Variants in DCDC2C observed in about 807,000 individuals in gnomAD.
The protein encoded by DCDC2C is doublecortin domain containing 2C.
A neutral mutation model predicts 45.0 loss-of-function variants in DCDC2C; 44 were observed. The ratio of observed to expected loss-of-function variants is 0.98; its 90% CI spans 0.77 to 1.26. The LOEUF is 1.26. DCDC2C is among the 50% of genes most tolerant of loss of function. DCDC2C has a pLI of 0.00. For synonymous variants in DCDC2C, 187 were observed against 178.8 expected (o/e 1.05, Z -0.37); for missense variants, 447 against 468.9 (o/e 0.95, Z 0.43).
intron 10 of DCDC2C, among the ~76,000 whole-genome samples, chr2:3,799,504 TA>T (rs2148200066): frequency 6.6e-6 from 1 of 152,228 alleles, no homozygotes; most frequent in African/African-American, 2.4e-5. Flanking sequence ...TGGTTTTATC[TA>T]CTTTTGGTCT....
In DCDC2C at chr2:3,703,636, GCGGCTGGAGCGGACCTCCC is replaced by G; in HGVS notation, c.-115_-97del. 9.8e-7 allele frequency: 1 copy of G among 1,025,572 alleles called. No homozygotes were observed. The highest frequency in any genetic ancestry group is 1.2e-6 in the Non-Finnish European group (1 of 807,954). The allele number at this position is 1,025,572 out of a possible 1,614,324, so 63.5% of individuals were successfully genotyped here. On this transcript the variant is annotated 5_prime_UTR_variant, in exon 1 of 11. Coordinates refer to ENST00000399143, the MANE Select transcript of DCDC2C (RefSeq NM_001287444.2). The surrounding 1 kb of genome is among the most constrained non-coding windows in gnomAD (Gnocchi z 4.4). ...CCCGTCCCGTCCCCGTCCTGCGCCA[GCGGCTGGAGCGGACCTCCC>G]GTCGGCGGTGCCCGGGCCTGGGCGC...
intron 10 of DCDC2C, among the ~76,000 whole-genome samples, chr2:3,824,509 C>T (rs1671770866): frequency 6.6e-6 from 1 of 152,160 alleles, no homozygotes; most frequent in South Asian, 2.1e-4. Context: ...GTGCATACCT[C>T]CTTTTCTGCT....
rs139462155 is a variant in DCDC2C, at chr2:3,815,120, A to T, written c.1065+30020A>T. On this transcript the variant is annotated intron_variant, in intron 10 of 10. Coordinates refer to ENST00000399143, the MANE Select transcript of DCDC2C (RefSeq NM_001287444.2). The stretch of plus-strand genomic sequence containing the variant: ...CCAGCTGAGAGGCTGTTAAGAGTAC[A>T]TGCATCTGCACATTCTAGGATTGGT... 1.7e-3 allele frequency among the ~76,000 whole-genome samples: 254 copies of T among 152,354 alleles called. 1 individual carries two copies. Among genetic ancestry groups the T allele is most frequent in the African/African-American group, 5.6e-3 (233 of 41,592 alleles).
intron 4 of DCDC2C, among the ~76,000 whole-genome samples, chr2:3,746,037 T>C (rs1214006797): frequency 6.6e-6 from 1 of 152,204 alleles, no homozygotes; most frequent in Non-Finnish European, 1.5e-5. Flanking sequence ...TGTAGGTCTC[T>C]GTGCAAGACA....
intron 9 of DCDC2C, among the ~76,000 whole-genome samples, chr2:3,782,567 C>T (rs1322091055): frequency 6.6e-6 from 1 of 151,716 alleles, no homozygotes; most frequent in Non-Finnish European, 1.5e-5. Context: ...CAAGCTCCGC[C>T]TCCTGGGTTC....
At chr2:3,763,360 G>A (rs770811994) in intron 6 of DCDC2C, among the ~76,000 whole-genome samples, 15 of 152,178 alleles carry the variant, frequency 9.9e-5, no homozygotes, top group Non-Finnish European at 1.6e-4. Context: ...GCTGGTGAGC[G>A]CGGCTCGAGA....
intron 3 of DCDC2C, among the ~76,000 whole-genome samples, chr2:3,739,518 G>A (rs1477565085): frequency 1.3e-5 from 2 of 152,226 alleles, no homozygotes; most frequent in Admixed American, 1.3e-4. Context: ...AACGTCAAGA[G>A]GAACGCACCA....
At chr2:3,802,441 A>G (rs1226131485) in intron 10 of DCDC2C, among the ~76,000 whole-genome samples, 1 of 152,220 alleles carries the variant, frequency 6.6e-6, no homozygotes, top group Non-Finnish European at 1.5e-5. Flanking sequence ...TGTTTTGTCT[A>G]TAGCAAAACA....
intron 10 of DCDC2C, among the ~76,000 whole-genome samples, chr2:3,807,542 C>A (rs563450045): frequency 3.3e-5 from 5 of 151,932 alleles, no homozygotes; most frequent in African/African-American, 1.2e-4. Context: ...TCATGCCACC[C>A]TTTCCTTCTT....
rs546649479 is a variant in DCDC2C, at chr2:3,734,935, C to T, written c.417-6985C>T. ...CCGGGTCCAGGGATGACTCCCTTAT[C>T]GTGGCCTAAAGAGAGGAGGCAATTG... On this transcript the variant is annotated intron_variant, in intron 3 of 10. Transcript: ENST00000399143. The surrounding 1 kb of genome is among the most constrained non-coding windows in gnomAD (Gnocchi z 4.2). Among the ~76,000 whole-genome samples the T allele has an allele frequency of 5.9e-5, 9 of 152,120 alleles. No individual in the cohort carries two copies. Among genetic ancestry groups the T allele is most frequent in the Admixed American group, 2.6e-4 (4 of 15,272 alleles).
intron 4 of DCDC2C, among the ~76,000 whole-genome samples, chr2:3,750,505 T>C (rs1198171305): frequency 1.3e-5 from 2 of 152,148 alleles, no homozygotes; most frequent in African/African-American, 4.8e-5. Context: ...CCTTTCTGTT[T>C]ACGTGAGGGT....
intron 2 of DCDC2C, among the ~76,000 whole-genome samples, chr2:3,726,651 C>T (rs1253970026): frequency 2.0e-5 from 3 of 152,192 alleles, no homozygotes; most frequent in Non-Finnish European, 4.4e-5. Flanking sequence ...GCATAGTAGG[C>T]CATTGACGCA....
intron 10 of DCDC2C, among the ~76,000 whole-genome samples, chr2:3,840,993 G>A (rs1018805544): frequency 1.3e-5 from 2 of 152,190 alleles, no homozygotes; most frequent in Admixed American, 6.5e-5. Flanking sequence ...CATATGGCAG[G>A]TTCCAGGTCA....
chr2:3,817,165 C>T (rs1471313985), intron 10 of DCDC2C, among the ~76,000 whole-genome samples: 4 of 152,150 alleles, frequency 2.6e-5, no homozygotes, highest in Admixed American at 2.6e-4. Flanking sequence ...GCATTTTTAG[C>T]TACCTTATCA....
intron 4 of DCDC2C, among the ~76,000 whole-genome samples, chr2:3,748,038 C>T (rs6726312): frequency 6.6e-6 from 1 of 152,064 alleles, no homozygotes; most frequent in Non-Finnish European, 1.5e-5. Context: ...AGGCACACAG[C>T]CTTTGTGGTG....
chr2:3,798,388 T>C, intron 10 of DCDC2C, among the ~76,000 whole-genome samples: 1 of 151,570 alleles, frequency 6.6e-6, no homozygotes, highest in African/African-American at 2.4e-5. Flanking sequence ...TTAATATTGT[T>C]ATGTGTGAAT....
chr2:3,775,056 C>T (rs1178197290), intron 8 of DCDC2C, among the ~76,000 whole-genome samples: 4 of 150,896 alleles, frequency 2.7e-5, no homozygotes, highest in East Asian at 3.9e-4. Context: ...TGAGCCAGTG[C>T]GCCTGGCTGG....
chr2:3,736,344 A>G lies in DCDC2C; in HGVS notation c.417-5576A>G, dbSNP rs114250543. On this transcript the variant is annotated intron_variant, in intron 3 of 10. Coordinates refer to ENST00000399143, the MANE Select transcript of DCDC2C (RefSeq NM_001287444.2). ...GAGGCAAGTCGTGAGGCACAGGATC[A>G]AAACCCACCCCTGGTGAAGGTGGGT... Among the ~76,000 whole-genome samples, 721 of 152,332 alleles carry G rather than the reference A, an allele frequency of 4.7e-3. 5 individuals carry two copies. The highest frequency in any genetic ancestry group is 0.016 in the African/African-American group (670 of 41,572).
chr2:3,759,581 G>C (rs1669821533), intron 6 of DCDC2C, among the ~76,000 whole-genome samples: 3 of 152,308 alleles, frequency 2.0e-5, no homozygotes, highest in African/African-American at 7.2e-5. Flanking sequence ...ATGGCGGGAG[G>C]GTGGTGCATT....
Sources: allele counts gnomAD v4.1 joint callset (sites outside exome capture counted in the v4.1 genomes callset), GRCh38; gene constraint gnomAD v4.1.1; non-coding constraint Gnocchi (gnomAD v3.1); transcripts MANE v1.5; gene names NCBI Gene and HGNC (gene_info 2026-07-23, HGNC 2026-07-21).